The following PITPNM2 variants were observed in gnomAD, a reference collection of about 807,000 sequenced individuals.
PITPNM2 encodes the protein membrane-associated phosphatidylinositol transfer protein 2.
Under a neutral mutation model 132.2 loss-of-function variants are expected in PITPNM2, and 35 were observed. The ratio of observed to expected loss-of-function variants is 0.26; its 90% CI spans 0.20 to 0.35. The LOEUF (loss-of-function observed/expected upper bound fraction) is 0.35, where lower values mean the gene tolerates loss of function less well. Among genes scored for constraint, PITPNM2 ranks in the 10% least tolerant of loss-of-function variants. The pLI, the probability that PITPNM2 is intolerant of heterozygous loss-of-function variation, is 1.00. For synonymous variants in PITPNM2, 738 were observed against 799.2 expected, an observed-to-expected ratio of 0.92 and a Z score of 1.29; for missense variants, 1,332 against 1,912.0, an observed-to-expected ratio of 0.70 and a Z score of 5.66.
Position 122,987,676 on chromosome 12 carries a change from G to A in PITPNM2, c.3115-17C>T, listed in dbSNP as rs768044473. On this transcript the variant is annotated splice_polypyrimidine_tract_variant and intron_variant, in intron 21 of 25. Transcript: ENST00000320201. ...CACATCCACCTGGGCCCAGCAGGCTGGTCACGGGCTGGCTGTGTCTGGCCT... is the reference window on the plus strand; with the variant it reads ...CACATCCACCTGGGCCCAGCAGGCTAGTCACGGGCTGGCTGTGTCTGGCCT... 18 of 1,611,264 alleles carry A rather than the reference G, an allele frequency of 1.1e-5. 1 individual carries two copies. Among genetic ancestry groups the A allele is most frequent in the South Asian group, 9.9e-5 (9 of 90,822 alleles).
intron 2 of PITPNM2, among the ~76,000 whole-genome samples, chr12:123,103,701 T>A (rs2042621626): frequency 6.6e-6 from 1 of 152,234 alleles, no homozygotes; most frequent in Non-Finnish European, 1.5e-5. Context: ...ATTTTGGCTC[T>A]GCAACTAGCC....
chr12:123,111,746 C>A lies in PITPNM2; in HGVS notation c.-199-1258G>T, dbSNP rs1331652738. ...ACGGCTGCATGTACACACCCACATA[C>A]ACACTCAACCCCCGGAACAGATGAA... On this transcript the variant is annotated intron_variant, in intron 1 of 25. Transcript: ENST00000320201. The surrounding 1 kb of genome is among the most constrained non-coding windows in gnomAD (Gnocchi z 4.1). 6.6e-6 allele frequency among the ~76,000 whole-genome samples: 1 copy of A among 152,210 alleles called. No homozygotes were observed. Among genetic ancestry groups the A allele is most frequent in the African/African-American group, 2.4e-5 (1 of 41,458 alleles).
chr12:123,129,763 C>T (rs1593031189), intron 1 of PITPNM2, among the ~76,000 whole-genome samples: 3 of 152,144 alleles, frequency 2.0e-5, no homozygotes, highest in South Asian at 4.1e-4. Flanking sequence ...TGGGGGAACA[C>T]AGAGACACAG....
chr12:123,014,625 C>A (rs554375878), intron 3 of PITPNM2, among the ~76,000 whole-genome samples: 94 of 152,254 alleles, frequency 6.2e-4, no homozygotes, highest in African/African-American at 2.0e-3. Context: ...TCGCTTGAAC[C>A]CGGGAGGCAG....
intron 5 of PITPNM2, 86 bp downstream of exon 5, chr12:123,012,527 G>T: frequency 2.0e-6 from 3 of 1,516,402 alleles, no homozygotes; most frequent in South Asian, 2.4e-5. Context: ...AGTCTACCAG[G>T]TGTGGGGAAA....
Position 123,000,977 on chromosome 12 carries a change from A to G in PITPNM2, c.1153+77T>C. On this transcript the variant is annotated intron_variant, in intron 9 of 25. Coordinates refer to ENST00000320201, the MANE Select transcript of PITPNM2 (RefSeq NM_020845.3). The surrounding 1 kb of genome is among the most constrained non-coding windows in gnomAD (Gnocchi z 5.4). ...CACATGTATGCCCAGCACTGTGCAG[A>G]AGCTGGTCAGAAAGGAGGGGGCTGA... 6.5e-7 allele frequency: 1 copy of G among 1,529,704 alleles called. No homozygotes were observed. Among genetic ancestry groups the G allele is most frequent in the Non-Finnish European group, 9.1e-7 (1 of 1,103,830 alleles). The allele number at this position is 1,529,704 out of a possible 1,614,324, so 94.8% of individuals were successfully genotyped here. A position where few individuals can be genotyped will look rare whatever the true frequency, so the allele number is the denominator to read the frequency against.
intron 3 of PITPNM2, 100 bp downstream of exon 3, chr12:123,034,413 T>C (rs932871760): frequency 3.6e-6 from 4 of 1,121,086 alleles, no homozygotes; most frequent in African/African-American, 1.5e-5. Context: ...GGGCAGGCAC[T>C]GCACTGTGAA....
At chr12:123,090,677 C>T (rs997320360) in intron 2 of PITPNM2, 2 of 152,298 alleles carry the variant, frequency 1.3e-5, no homozygotes, top group Non-Finnish European at 2.9e-5. Flanking sequence ...CCAGCCCACG[C>T]TGTCTTTTAT....
chr12:123,000,694 T>G lies in PITPNM2; in HGVS notation c.1224+84A>C. Reference sequence around the variant, plus strand: ...AGGCTGCCAGGCCCAGAGTTCCACCTCTGTAACCCCTCAGACTATTCCTCT... The same window carrying G: ...AGGCTGCCAGGCCCAGAGTTCCACCGCTGTAACCCCTCAGACTATTCCTCT... On this transcript the variant is annotated intron_variant, in intron 10 of 25. Transcript: ENST00000320201. The surrounding 1 kb of genome is among the most constrained non-coding windows in gnomAD (Gnocchi z 5.4). 1 of 1,448,626 alleles carries G rather than the reference T, an allele frequency of 6.9e-7. No homozygotes were observed. The highest frequency in any genetic ancestry group is 2.4e-5 in the East Asian group (1 of 42,074). 89.7% of individuals were successfully genotyped at this position (1,448,626 alleles called of 1,614,324 possible). A position where few individuals can be genotyped will look rare whatever the true frequency, so the allele number is the denominator to read the frequency against.
At chr12:123,001,582 C>T (rs1384658676) in intron 8 of PITPNM2, among the ~76,000 whole-genome samples, 1 of 152,214 alleles carries the variant, frequency 6.6e-6, no homozygotes, top group Non-Finnish European at 1.5e-5. Context: ...TTGTGTCTGG[C>T]TTCTTGCACT....
intron 2 of PITPNM2, chr12:123,088,907 C>T (rs2137086867): frequency 6.6e-6 from 1 of 152,438 alleles, no homozygotes; most frequent in South Asian, 2.1e-4. Context: ...AAATGCCCTT[C>T]TCCACCTTGC....
chr12:123,001,996 A>G (rs912336551), intron 8 of PITPNM2, among the ~76,000 whole-genome samples: 8 of 149,276 alleles, frequency 5.4e-5, no homozygotes, highest in African/African-American at 1.7e-4. Context: ...GTGCCGTTGC[A>G]CTCCAGACTG....
Position 123,004,808 on chromosome 12 carries a change from A to C in PITPNM2, c.953-319T>G, listed in dbSNP as rs2038853117. On this transcript the variant is annotated intron_variant, in intron 7 of 25. Coordinates refer to ENST00000320201, the MANE Select transcript of PITPNM2 (RefSeq NM_020845.3). The surrounding 1 kb of genome is among the most constrained non-coding windows in gnomAD (Gnocchi z 4.9). ...TGGGCCTCTGACCTGAGTCTGACCA[A>C]GAGCAAACTCCTGAAATTTGGCCAC... Among the ~76,000 whole-genome samples, 1 of 152,238 alleles carries C rather than the reference A, an allele frequency of 6.6e-6. No homozygotes were observed. The highest frequency in any genetic ancestry group is 2.4e-5 in the African/African-American group (1 of 41,462).
At chr12:123,079,059 G>A (rs528397891) in intron 2 of PITPNM2, among the ~76,000 whole-genome samples, 8 of 152,322 alleles carry the variant, frequency 5.3e-5, no homozygotes, top group African/African-American at 1.9e-4. Context: ...GCACTCAGAC[G>A]TGGCAGGACT....
chr12:122,997,193 G>C (rs2038467742), intron 11 of PITPNM2, 132 bp downstream of exon 11: 2 of 1,383,708 alleles, frequency 1.4e-6, no homozygotes, highest in Admixed American at 4.3e-5. Context: ...GGCACCTCCA[G>C]GTAGAAGGGG....
chr12:123,055,266 G>C (rs2136694535), intron 2 of PITPNM2, among the ~76,000 whole-genome samples: 1 of 152,328 alleles, frequency 6.6e-6, no homozygotes, highest in East Asian at 1.9e-4. Flanking sequence ...GAAAAGGGCA[G>C]ATGCAGCTCG....
At chr12:123,047,595 T>C (rs80326885) in intron 2 of PITPNM2, among the ~76,000 whole-genome samples, 2,549 of 152,306 alleles carry the variant, frequency 0.017, 36 homozygotes, top group Non-Finnish European at 0.027. Context: ...GTAAGAATTC[T>C]AGTCACTCTG....
chr12:123,000,484 A>T lies in PITPNM2; in HGVS notation c.1224+294T>A, dbSNP rs1177143607. On this transcript the variant is annotated intron_variant, in intron 10 of 25. Coordinates refer to ENST00000320201, the MANE Select transcript of PITPNM2 (RefSeq NM_020845.3). This position sits in a 1 kb window ranked among gnomAD's most constrained non-coding sequence, Gnocchi z 5.4. Reference sequence around the variant, plus strand: ...GTGAAGATCTTATTTTTGATCTGGAATTTACAAGTTTCTCATTTTACTTTC... The same window carrying T: ...GTGAAGATCTTATTTTTGATCTGGATTTTACAAGTTTCTCATTTTACTTTC... 2 of 702,270 alleles carry T rather than the reference A, an allele frequency of 2.8e-6. No individual in the cohort carries two copies. The highest frequency in any genetic ancestry group is 3.5e-5 in the African/African-American group (2 of 57,142). The allele number at this position is 702,270 out of a possible 1,614,324, so 43.5% of individuals were successfully genotyped here.
intron 2 of PITPNM2, among the ~76,000 whole-genome samples, chr12:123,098,059 G>T (rs1566292137): frequency 6.6e-6 from 1 of 152,198 alleles, no homozygotes; most frequent in Non-Finnish European, 1.5e-5. Flanking sequence ...AAAGAGAGAA[G>T]AATCAAAGGC....
Sources: gnomAD v4.1 joint callset for allele counts (sites outside exome capture counted in the v4.1 genomes callset) on GRCh38, gnomAD v4.1.1 for gene constraint, Gnocchi (gnomAD v3.1) non-coding constraint, MANE v1.5 for transcripts, NCBI Gene and HGNC (gene_info 2026-07-23, HGNC 2026-07-21) for gene names.